Variants in DNAH14 observed in about 807,000 individuals in gnomAD.
DNAH14 encodes dynein axonemal heavy chain 14.
In DNAH14, 478 loss-of-function variants were observed where a neutral mutation model predicts 520.9. The observed-to-expected ratio is 0.92, with a 90% CI of 0.85 to 0.99. The LOEUF is 0.99. Ranked by LOEUF, DNAH14 falls within the 50% of genes least tolerant of loss-of-function variation. The pLI, the probability that DNAH14 is intolerant of heterozygous loss-of-function variation, is 0.00. For missense variants in DNAH14, 4,831 were observed against 5,234.5 expected (o/e 0.92, Z 2.38); for synonymous variants, 1,581 against 1,757.2 (o/e 0.90, Z 2.51).
intron 28 of DNAH14, among the ~76,000 whole-genome samples, chr1:225,143,909 G>C (rs1038848046): frequency 6.6e-6 from 1 of 152,236 alleles, no homozygotes; most frequent in Non-Finnish European, 1.5e-5. Context: ...AACATTTATG[G>C]TTAGCTACAC....
intron 35 of DNAH14, 146 bp from the exon 36 acceptor site, chr1:225,167,792 AG>A (rs2149198969): frequency 2.2e-6 from 1 of 464,624 alleles, no homozygotes; most frequent in East Asian, 3.8e-5. Context: ...TACTATTCTC[AG>A]AGACAGAGGT....
chr1:224,965,285 A>G (rs541848762), intron 5 of DNAH14, among the ~76,000 whole-genome samples: 1 of 152,226 alleles, frequency 6.6e-6, no homozygotes, highest in Admixed American at 6.5e-5. Context: ...AACTTACTAG[A>G]CATACACATT....
At chr1:225,335,835 A>C (rs1397397840) in intron 66 of DNAH14, among the ~76,000 whole-genome samples, 3 of 100,180 alleles carry the variant, frequency 3.0e-5, no homozygotes, top group Non-Finnish European at 4.1e-5. Flanking sequence ...ATATGTACAT[A>C]TATGTACATA....
chr1:225,397,385 C>T, intron 84 of DNAH14: 1 of 152,710 alleles, frequency 6.5e-6, no homozygotes, highest in Non-Finnish European at 1.5e-5. Context: ...CATCACCAGG[C>T]ACAGCACAGG....
intron 56 of DNAH14, among the ~76,000 whole-genome samples, chr1:225,302,123 A>G (rs1017740501): frequency 1.5e-4 from 22 of 148,306 alleles, no homozygotes; most frequent in Non-Finnish European, 1.5e-4. Flanking sequence ...TATAATATAT[A>G]TTATATATTC....
intron 78 of DNAH14, among the ~76,000 whole-genome samples, chr1:225,376,046 C>T (rs1320211850): frequency 6.6e-6 from 1 of 152,082 alleles, no homozygotes; most frequent in Non-Finnish European, 1.5e-5. Context: ...CGAGATCACA[C>T]CACTGCATTC....
chr1:224,960,140 G>A lies in DNAH14; in HGVS notation c.218-13G>A. On this transcript the variant is annotated splice_polypyrimidine_tract_variant and intron_variant, in intron 3 of 85. Coordinates refer to ENST00000682510, the MANE Select transcript of DNAH14 (RefSeq NM_001367479.1). The stretch of plus-strand genomic sequence containing the variant: ...CACACTAGTTATTCAGTTAATAATG[G>A]TTTTATTTTCAGATTACCTTAGAGA... 1.3e-6 allele frequency: 2 copies of A among 1,560,216 alleles called. No homozygotes were observed.
intron 84 of DNAH14, among the ~76,000 whole-genome samples, chr1:225,392,910 G>T (rs887438589): frequency 6.6e-6 from 1 of 152,168 alleles, no homozygotes; most frequent in Admixed American, 6.5e-5. Flanking sequence ...ACCCATGGAG[G>T]CAGCTTGGGC....
rs180696078 is a variant in DNAH14, at chr1:224,955,364, A to T, written c.217+266A>T. 2.3e-3 allele frequency among the ~76,000 whole-genome samples: 350 copies of T among 152,280 alleles called. 1 individual carries two copies. The highest frequency in any genetic ancestry group is 0.017 in the Middle Eastern group (5 of 294). ...ATGTCTGTACCACTTTACAGTTTCCATCACTTTTTCATGCATATCATGTCA... is the reference window on the plus strand; with the variant it reads ...ATGTCTGTACCACTTTACAGTTTCCTTCACTTTTTCATGCATATCATGTCA... On this transcript the variant is annotated intron_variant, in intron 3 of 85. Coordinates refer to ENST00000682510, the MANE Select transcript of DNAH14 (RefSeq NM_001367479.1).
At chr1:225,338,456 G>A (rs1181253350) in intron 68 of DNAH14, among the ~76,000 whole-genome samples, 1 of 152,052 alleles carries the variant, frequency 6.6e-6, no homozygotes, top group Admixed American at 6.6e-5. Flanking sequence ...CTATGCAGAG[G>A]GGAGCAAGCG....
intron 36 of DNAH14, among the ~76,000 whole-genome samples, chr1:225,169,942 A>C (rs1485213105): frequency 6.6e-6 from 1 of 152,268 alleles, no homozygotes; most frequent in South Asian, 2.1e-4. Context: ...TCTACAAGCC[A>C]GAAGAGAGTG....
rs530484200 is a variant in DNAH14, at chr1:225,100,588, A to T, written c.3696-125A>T. 1.3e-5 allele frequency: 10 copies of T among 785,910 alleles called. No individual in the cohort carries two copies. In the African/African-American group the frequency reaches 1.8e-4, roughly 14 times the overall value. 48.7% of individuals were successfully genotyped at this position (785,910 alleles called of 1,614,324 possible). On this transcript the variant is annotated intron_variant, in intron 22 of 85. Transcript: ENST00000682510. ...ACTTAAAAAGTATCTTTGATGATTT[A>T]TCAAGAAAATTTAACATCAAATGTT...
chr1:225,217,686 T>A (rs761361559), intron 41 of DNAH14, among the ~76,000 whole-genome samples: 2 of 152,208 alleles, frequency 1.3e-5, no homozygotes, highest in African/African-American at 2.4e-5. Context: ...TCCATGGGTG[T>A]GGGACCCTCC....
chr1:225,156,709 C>CTTTTTTTTTT lies in DNAH14; in HGVS notation c.5274-2591_5274-2582dup, dbSNP rs71170061. Among the ~76,000 whole-genome samples the CTTTTTTTTTT allele has an allele frequency of 5.1e-4, 35 of 68,154 alleles. 4 individuals are homozygous for CTTTTTTTTTT. Among genetic ancestry groups the CTTTTTTTTTT allele is most frequent in the East Asian group, 1.3e-3 (2 of 1,586 alleles). The allele number at this position is 68,154 out of a possible 152,430, so 44.7% of individuals were successfully genotyped here. A position where few individuals can be genotyped will look rare whatever the true frequency, so the allele number is the denominator to read the frequency against. ...TCTAGGATAAACTCCTCTTAAAATT[C>CTTTTTTTTTT]TTTTTTTTTTTTTTTTTTTTTTTGA... is the stretch of plus-strand genomic sequence containing the variant. On this transcript the variant is annotated intron_variant, in intron 34 of 85. Coordinates refer to ENST00000682510, the MANE Select transcript of DNAH14 (RefSeq NM_001367479.1).
chr1:225,279,196 G>C (rs528322970), intron 54 of DNAH14, among the ~76,000 whole-genome samples: 5 of 151,978 alleles, frequency 3.3e-5, no homozygotes, highest in Non-Finnish European at 7.4e-5. Flanking sequence ...TAGTAGAGAC[G>C]GGGTTTCACC....
intron 1 of DNAH14, among the ~76,000 whole-genome samples, chr1:224,947,554 T>C (rs1307371999): frequency 6.6e-6 from 1 of 152,136 alleles, no homozygotes; most frequent in Non-Finnish European, 1.5e-5. Context: ...TTATTTTCTA[T>C]TTTTAAACAT....
intron 10 of DNAH14, among the ~76,000 whole-genome samples, chr1:225,017,614 C>T (rs989220013): frequency 1.3e-5 from 2 of 152,236 alleles, no homozygotes; most frequent in Non-Finnish European, 2.9e-5. Flanking sequence ...AAGGACTCCA[C>T]CACTGCCACA....
At chr1:225,187,070 C>G (rs750729121) in intron 37 of DNAH14, among the ~76,000 whole-genome samples, 14 of 151,584 alleles carry the variant, frequency 9.2e-5, no homozygotes, top group Non-Finnish European at 1.8e-4. Flanking sequence ...TTGCTATATG[C>G]CTTTAGATAT....
chr1:225,263,643 C>T (rs778033543), intron 46 of DNAH14, among the ~76,000 whole-genome samples: 4 of 151,980 alleles, frequency 2.6e-5, no homozygotes, highest in Non-Finnish European at 4.4e-5. Flanking sequence ...TCCTACTACA[C>T]TTAAATAAGG....
Sources: gnomAD v4.1 joint callset for allele counts (sites outside exome capture counted in the v4.1 genomes callset) on GRCh38, gnomAD v4.1.1 for gene constraint, MANE v1.5 for transcripts, NCBI Gene and HGNC (gene_info 2026-07-23, HGNC 2026-07-21) for gene names.